Variants in WNT2 observed in about 807,000 individuals in gnomAD.
WNT2 encodes the protein protein Wnt-2.
A neutral mutation model predicts 36.9 loss-of-function variants in WNT2; 12 were observed. The observed-to-expected ratio is 0.33, with a 90% CI of 0.21 to 0.53. WNT2 has a LOEUF of 0.53. Among genes scored for constraint, WNT2 ranks in the 20% least tolerant of loss-of-function variants. The pLI, the probability that WNT2 is intolerant of heterozygous loss-of-function variation, is 0.95. For missense variants in WNT2, 379 were observed against 473.1 expected, an observed-to-expected ratio of 0.80 and a Z score of 1.84; for synonymous variants, 163 against 174.6, an observed-to-expected ratio of 0.93 and a Z score of 0.52.
intron 4 of WNT2, among the ~76,000 whole-genome samples, chr7:117,296,427 C>G (rs1255175425): frequency 6.6e-6 from 1 of 152,172 alleles, no homozygotes; most frequent in Admixed American, 6.5e-5. Context: ...GCCTCTTGGT[C>G]AATCTAACTG....
chr7:117,298,249 C>A (rs1232348328), intron 3 of WNT2, among the ~76,000 whole-genome samples: 2 of 151,966 alleles, frequency 1.3e-5, no homozygotes, highest in Non-Finnish European at 2.9e-5. Flanking sequence ...TTAATGCTGT[C>A]CAGTTTAAAA....
At chr7:117,308,564 A>G (rs998021996) in intron 3 of WNT2, among the ~76,000 whole-genome samples, 1 of 152,216 alleles carries the variant, frequency 6.6e-6, no homozygotes, top group Admixed American at 6.5e-5. Context: ...GTCCAACAAG[A>G]CAGAAGTGAG....
chr7:117,308,842 A>G (rs1007228706), intron 3 of WNT2, among the ~76,000 whole-genome samples: 2 of 152,026 alleles, frequency 1.3e-5, no homozygotes, highest in Non-Finnish European at 2.9e-5. Context: ...GGTCAGACCC[A>G]TTATTTGTTT....
intron 4 of WNT2, among the ~76,000 whole-genome samples, chr7:117,289,600 G>T (rs1264762290): frequency 6.6e-6 from 1 of 152,206 alleles, no homozygotes; most frequent in Non-Finnish European, 1.5e-5. Context: ...ACAGAAGAAT[G>T]CAGCTAATCT....
intron 4 of WNT2, among the ~76,000 whole-genome samples, chr7:117,286,731 C>T (rs1794586718): frequency 6.6e-6 from 1 of 150,562 alleles, no homozygotes; most frequent in Admixed American, 6.6e-5. Flanking sequence ...AGGCTCACCC[C>T]TTCCTCACAT....
In WNT2 at chr7:117,284,159, C is replaced by G. The variant is rs1167014942; in HGVS notation, c.854-5775G>C. Among the ~76,000 whole-genome samples the G allele has an allele frequency of 6.6e-6, 1 of 152,166 alleles. No individual in the cohort carries two copies. The highest frequency in any genetic ancestry group is 1.5e-5 in the Non-Finnish European group (1 of 68,024). ...CTGTCATTTTAGCAGAACATACAGC[C>G]ATTTCATAGAAACCCTGAAAAGAAC... On this transcript the variant is annotated intron_variant, in intron 4 of 4. Coordinates refer to ENST00000265441, the MANE Select transcript of WNT2 (RefSeq NM_003391.3). This position sits in a 1 kb window ranked among gnomAD's most constrained non-coding sequence, Gnocchi z 5.2.
chr7:117,294,593 T>TAAAAAAA (rs5886850), intron 4 of WNT2, among the ~76,000 whole-genome samples: 3 of 128,418 alleles, frequency 2.3e-5, no homozygotes, highest in Non-Finnish European at 3.4e-5. Context: ...AACTGGCAAC[T>TAAAAAAA]AAAAAAAAAA....
intron 4 of WNT2, among the ~76,000 whole-genome samples, chr7:117,285,376 C>T (rs1375199998): frequency 1.3e-5 from 2 of 152,146 alleles, no homozygotes; most frequent in Non-Finnish European, 2.9e-5. Context: ...CTGATGTGGC[C>T]AATGCTGAGG....
chr7:117,287,854 G>C (rs1170198714), intron 4 of WNT2, among the ~76,000 whole-genome samples: 1 of 152,042 alleles, frequency 6.6e-6, no homozygotes, highest in East Asian at 1.9e-4. Context: ...TGGCCATGGT[G>C]GTGGACACCT....
At chr7:117,297,326 G>T (rs1271233834) in intron 4 of WNT2, among the ~76,000 whole-genome samples, 1 of 151,900 alleles carries the variant, frequency 6.6e-6, no homozygotes, top group Non-Finnish European at 1.5e-5. Context: ...CCACAGATGC[G>T]CACCACCATG....
chr7:117,317,181 G>A (rs187768900), intron 2 of WNT2, among the ~76,000 whole-genome samples: 93 of 152,192 alleles, frequency 6.1e-4, no homozygotes, highest in Non-Finnish European at 3.8e-4. Context: ...GGTCTATTAC[G>A]GGAAAGACAT....
chr7:117,298,294 T>G (rs537420243), intron 3 of WNT2, among the ~76,000 whole-genome samples: 34 of 152,306 alleles, frequency 2.2e-4, no homozygotes, highest in Middle Eastern at 3.4e-3. Context: ...TTATGCAAAT[T>G]AAATTAACAA....
intron 3 of WNT2, among the ~76,000 whole-genome samples, chr7:117,304,930 C>G (rs899794673): frequency 1.3e-5 from 2 of 152,172 alleles, no homozygotes; most frequent in Admixed American, 1.3e-4. Flanking sequence ...ATAAGTGATT[C>G]ATCCAACTGG....
At chr7:117,317,509 TA>T (rs3216897) in intron 2 of WNT2, among the ~76,000 whole-genome samples, 70,916 of 152,030 alleles carry the variant, frequency 0.47, 17,175 homozygotes, top group African/African-American at 0.59. Context: ...ACCATGTAGA[TA>T]ATAGCCCTAA....
intron 4 of WNT2, among the ~76,000 whole-genome samples, chr7:117,280,295 A>T (rs117893323): frequency 0.01 from 1,549 of 152,318 alleles, 16 homozygotes; most frequent in Non-Finnish European, 0.014. Context: ...TTTACTGATT[A>T]TGCAGAAAGG....
intron 4 of WNT2, among the ~76,000 whole-genome samples, chr7:117,288,337 A>T (rs1463667005): frequency 6.6e-6 from 1 of 152,226 alleles, no homozygotes; most frequent in African/African-American, 2.4e-5. Flanking sequence ...GACCCAGAGA[A>T]GTTAATTTGC....
At chr7:117,280,279 T>G (rs913724103) in intron 4 of WNT2, among the ~76,000 whole-genome samples, 10 of 152,162 alleles carry the variant, frequency 6.6e-5, no homozygotes, top group African/African-American at 2.4e-4. Flanking sequence ...AGGACAGTCC[T>G]CAAAATTTAC....
At chr7:117,288,133 T>C (rs1015309794) in intron 4 of WNT2, among the ~76,000 whole-genome samples, 4 of 152,212 alleles carry the variant, frequency 2.6e-5, no homozygotes, top group African/African-American at 7.2e-5. Context: ...TCTTGCTTGG[T>C]ATATGGAAAA....
chr7:117,278,480 G>T, intron 4 of WNT2, 96 bp from the exon 5 acceptor site: 5 of 1,197,758 alleles, frequency 4.2e-6, no homozygotes, highest in African/African-American at 1.5e-5. Context: ...CCAGGACAGA[G>T]CCCTGACCCT....
Sources: allele counts gnomAD v4.1 joint callset (sites outside exome capture counted in the v4.1 genomes callset), GRCh38; gene constraint gnomAD v4.1.1; non-coding constraint Gnocchi (gnomAD v3.1); transcripts MANE v1.5; gene names NCBI Gene and HGNC (gene_info 2026-07-23, HGNC 2026-07-21).